Variants in THADA observed in about 807,000 individuals in gnomAD.
THADA encodes the protein THADA armadillo repeat containing.
THADA carries 213 observed loss-of-function variants against 219.8 expected under a neutral mutation model. The ratio of observed to expected loss-of-function variants is 0.97; its 90% CI spans 0.87 to 1.09. The LOEUF is 1.09. Among genes scored for constraint, THADA ranks in the 50% least tolerant of loss-of-function variants. The pLI, the probability that THADA is intolerant of heterozygous loss-of-function variation, is 0.00. For missense variants in THADA, 2,956 were observed against 2,311.3 expected (o/e 1.28, Z -5.72); for synonymous variants, 1,018 against 828.9 (o/e 1.23, Z -3.92).
Position 43,494,762 on chromosome 2 carries a change from C to G in THADA, c.3744+4071G>C, listed in dbSNP as rs114864545. Among the ~76,000 whole-genome samples the G allele has an allele frequency of 7.0e-3, 1,070 of 152,264 alleles. 13 individuals carry two copies. The highest frequency in any genetic ancestry group is 0.024 in the African/African-American group (1,000 of 41,546). ...AACATAACATCTACAATACAGTAAGCAGATATGTCTAATGCCGAAAATATT... is the reference window on the plus strand; with the variant it reads ...AACATAACATCTACAATACAGTAAGGAGATATGTCTAATGCCGAAAATATT... On this transcript the variant is annotated intron_variant, in intron 25 of 37. Coordinates refer to ENST00000405975, the MANE Select transcript of THADA (RefSeq NM_022065.5).
intron 21 of THADA, among the ~76,000 whole-genome samples, chr2:43,528,687 T>C (rs573433214): frequency 1.8e-4 from 27 of 152,330 alleles, no homozygotes; most frequent in African/African-American, 6.5e-4. Context: ...GTATGTTTTC[T>C]GTTATAGCTC....
chr2:43,495,965 C>T (rs920569945), intron 25 of THADA, among the ~76,000 whole-genome samples: 15 of 152,290 alleles, frequency 9.8e-5, no homozygotes, highest in African/African-American at 2.6e-4. Context: ...TACAGGAAGA[C>T]GCACAATTTT....
intron 26 of THADA, among the ~76,000 whole-genome samples, chr2:43,432,297 G>A (rs933028919): frequency 5.3e-5 from 8 of 151,972 alleles, no homozygotes; most frequent in Non-Finnish European, 8.8e-5. Flanking sequence ...GCAATAATAC[G>A]TTTTTTTGGC....
At chr2:43,273,660 G>T (rs1360654717) in intron 36 of THADA, among the ~76,000 whole-genome samples, 2 of 152,126 alleles carry the variant, frequency 1.3e-5, no homozygotes, top group Non-Finnish European at 2.9e-5. Context: ...AGCCTTAGAG[G>T]TTCCAGGAGT....
At chr2:43,374,043 T>A (rs1382638812) in intron 29 of THADA, among the ~76,000 whole-genome samples, 2 of 152,246 alleles carry the variant, frequency 1.3e-5, no homozygotes, top group Non-Finnish European at 2.9e-5. Context: ...ATTTCATTGA[T>A]CCTTACTATT....
intron 13 of THADA, among the ~76,000 whole-genome samples, chr2:43,571,095 A>C (rs113783644): frequency 2.6e-4 from 39 of 152,228 alleles, no homozygotes; most frequent in African/African-American, 8.9e-4. Flanking sequence ...ATCTCTAAAA[A>C]AAAATTAAAT....
At chr2:43,539,189 A>G (rs1694984284) in intron 21 of THADA, among the ~76,000 whole-genome samples, 1 of 152,230 alleles carries the variant, frequency 6.6e-6, no homozygotes, top group Non-Finnish European at 1.5e-5. Flanking sequence ...TTCAGACGGC[A>G]GTCACATTCA....
intron 26 of THADA, among the ~76,000 whole-genome samples, chr2:43,446,274 T>C (rs1681532393): frequency 1.3e-5 from 2 of 152,244 alleles, no homozygotes; most frequent in South Asian, 2.1e-4. Flanking sequence ...TATCGTTCCT[T>C]ATATGTAAGT....
chr2:43,443,228 T>G (rs1311104666), intron 26 of THADA, among the ~76,000 whole-genome samples: 1 of 152,064 alleles, frequency 6.6e-6, no homozygotes, highest in Non-Finnish European at 1.5e-5. Context: ...GCCGAGTGAG[T>G]GAAGCGAAAC....
chr2:43,577,509 CTT>C (rs572370994), intron 9 of THADA, among the ~76,000 whole-genome samples: 1 of 144,142 alleles, frequency 6.9e-6, no homozygotes. Context: ...TTAACAACTG[CTT>C]TTTTTTTTTG....
At chr2:43,525,873 C>T (rs1693108842) in intron 22 of THADA, among the ~76,000 whole-genome samples, 2 of 152,168 alleles carry the variant, frequency 1.3e-5, no homozygotes. Flanking sequence ...AGAGCCACCA[C>T]CCAAGAGGAA....
chr2:43,377,652 G>T (rs916395347), intron 29 of THADA, among the ~76,000 whole-genome samples: 1 of 152,132 alleles, frequency 6.6e-6, no homozygotes, highest in Non-Finnish European at 1.5e-5. Flanking sequence ...TGAAAAATTT[G>T]TTCCTTATGA....
At chr2:43,461,531 A>C (rs1683643043) in intron 26 of THADA, among the ~76,000 whole-genome samples, 1 of 152,190 alleles carries the variant, frequency 6.6e-6, no homozygotes, top group South Asian at 2.1e-4. Flanking sequence ...ACCTGGAAGG[A>C]AGAGCTGTTA....
At chr2:43,485,897 TTTTG>T (rs1292947782) in intron 25 of THADA, among the ~76,000 whole-genome samples, 2 of 152,006 alleles carry the variant, frequency 1.3e-5, no homozygotes, top group African/African-American at 4.8e-5. Context: ...TTAGAGATTT[TTTTG>T]TTTGTTTTGC....
At chr2:43,243,525 C>A (rs1333661453) in intron 36 of THADA, among the ~76,000 whole-genome samples, 1 of 152,150 alleles carries the variant, frequency 6.6e-6, no homozygotes, top group African/African-American at 2.4e-5. Context: ...GTCTAGTACG[C>A]CGGTCTCTAT....
chr2:43,300,258 C>G lies in THADA; in HGVS notation c.4439-7045G>C, dbSNP rs187316175. The stretch of plus-strand genomic sequence containing the variant: ...TCAAGCAATTCTCCTGCCTCAGCCT[C>G]CCAAAGTGTTGGGATTACAGGCGTG... On this transcript the variant is annotated intron_variant, in intron 31 of 37. Transcript: ENST00000405975. 2.2e-3 allele frequency among the ~76,000 whole-genome samples: 336 copies of G among 152,046 alleles called. 3 individuals are homozygous for G. The highest frequency in any genetic ancestry group is 7.9e-3 in the African/African-American group (326 of 41,516).
Position 43,581,744 on chromosome 2 carries a change from C to A in THADA, c.718G>T (p.Asp240Tyr). The A allele has an allele frequency of 6.2e-7, 1 of 1,607,282 alleles. No homozygotes were observed. Among genetic ancestry groups the A allele is most frequent in the Non-Finnish European group, 8.5e-7 (1 of 1,178,308 alleles). Residue 240 changes from aspartate to tyrosine, a missense_variant, in exon 8 of 38, where the codon GAT (aspartate) becomes TAT (tyrosine). Asp to Tyr is a radical substitution (Grantham distance 160). Coordinates refer to ENST00000405975, the MANE Select transcript of THADA (RefSeq NM_022065.5). The part of the protein sequence containing the change: ...LLSIFTKVLS[D>Y]DDLLQTVQST... ...GTATATAATTTGTTACACTTACCAT[C>A]GCTTAAAACCTTGGTAAAAATACTC...
At chr2:43,322,613 A>G (rs987628598) in intron 30 of THADA, among the ~76,000 whole-genome samples, 1 of 146,984 alleles carries the variant, frequency 6.8e-6, no homozygotes, top group Non-Finnish European at 1.5e-5. Flanking sequence ...CTGCCCATAT[A>G]CTGTTCTCGA....
At chr2:43,517,367 C>G (rs546490622) in intron 22 of THADA, among the ~76,000 whole-genome samples, 125 of 152,228 alleles carry the variant, frequency 8.2e-4, no homozygotes, top group African/African-American at 2.9e-3. Context: ...CGTATTGAAG[C>G]AAAATTCCCA....
Sources: allele counts gnomAD v4.1 joint callset (sites outside exome capture counted in the v4.1 genomes callset), GRCh38; gene constraint gnomAD v4.1.1; transcripts MANE v1.5; gene names NCBI Gene and HGNC (gene_info 2026-07-23, HGNC 2026-07-21).